TGIF1: variants seen among roughly 807,000 people sequenced by gnomAD.
The protein encoded by TGIF1 is TGFB induced factor homeobox 1.
In TGIF1, 4 loss-of-function variants were observed where a neutral mutation model predicts 19.3. The observed-to-expected ratio is 0.21, with a 90% confidence interval of 0.10 to 0.47. TGIF1 has a LOEUF of 0.47. Ranked by LOEUF, TGIF1 falls within the 20% of genes least tolerant of loss-of-function variation. TGIF1 has a pLI of 0.98. For missense variants in TGIF1, 275 were observed against 341.4 expected (o/e 0.81, Z 1.53); for synonymous variants, 122 against 129.3 (o/e 0.94, Z 0.38).
At chr18:3,414,484 C>A (rs1598848212) in intron 1 of TGIF1, among the ~76,000 whole-genome samples, 2 of 152,348 alleles carry the variant, frequency 1.3e-5, no homozygotes, top group East Asian at 3.9e-4. Flanking sequence ...GAGTTCATCT[C>A]TAAGTCTAGC....
chr18:3,427,623 G>C lies in TGIF1; in HGVS notation c.-45+9408G>C, dbSNP rs996721817. Among the ~76,000 whole-genome samples the C allele has an allele frequency of 1.4e-4, 21 of 146,536 alleles. No individual in the cohort carries two copies. In the South Asian group the frequency reaches 1.9e-3, roughly 14 times the overall value. ...TATTCTTTTTTTTTTTTTTTGAGAC[G>C]GGGTTTCCCTCTGTCACCCAGGCTG... On this transcript the variant is annotated intron_variant, in intron 2 of 3. Coordinates refer to the TGIF1 transcript ENST00000401449.
At position 3,450,387 on chromosome 18, in the gene TGIF1, C is replaced by A; in HGVS notation, c.-103C>A. 6.5e-7 allele frequency: 1 copy of A among 1,543,332 alleles called. No homozygotes were observed. The highest frequency in any genetic ancestry group is 8.7e-7 in the Non-Finnish European group (1 of 1,142,864). On this transcript the variant is annotated 5_prime_UTR_variant, in exon 1 of 3. Coordinates refer to ENST00000343820, the MANE Select transcript of TGIF1 (RefSeq NM_003244.4). ...CGGCTGGAGCACGTCCTACAAGTTA[C>A]GGGAGAGTCGGCTGTGAAGGAGACG...
intron 2 of TGIF1, among the ~76,000 whole-genome samples, chr18:3,439,434 C>G (rs1254393621): frequency 6.7e-6 from 1 of 148,344 alleles, no homozygotes; most frequent in East Asian, 2.0e-4. Flanking sequence ...GCAACCTCCT[C>G]CCAGGTTCAA....
At chr18:3,454,631 A>G (rs1320653496) in intron 1 of TGIF1, among the ~76,000 whole-genome samples, 1 of 152,242 alleles carries the variant, frequency 6.6e-6, no homozygotes, top group African/African-American at 2.4e-5. Flanking sequence ...CATCTTGCCA[A>G]TAGTGAAAGT....
intron 2 of TGIF1, among the ~76,000 whole-genome samples, chr18:3,442,598 A>G (rs766339792): frequency 2.0e-5 from 3 of 152,186 alleles, no homozygotes; most frequent in Non-Finnish European, 4.4e-5. Flanking sequence ...GGCAAAAGTT[A>G]TGAACAGGAT....
rs568572687 is a variant in TGIF1, at chr18:3,450,265, G to A, written c.-225G>A. On this transcript the variant is annotated 5_prime_UTR_variant, in exon 1 of 3. Coordinates refer to ENST00000343820, the MANE Select transcript of TGIF1 (RefSeq NM_003244.4). Reference sequence around the variant, plus strand: ...GTTGGGCGAGGGAGAGCCCCCGGCCGGCTGCCAGAAGATCCCGGCGGGAGG... The same window carrying A: ...GTTGGGCGAGGGAGAGCCCCCGGCCAGCTGCCAGAAGATCCCGGCGGGAGG... 18 of 1,431,950 alleles carry A rather than the reference G, an allele frequency of 1.3e-5. No homozygotes were observed. Among genetic ancestry groups the A allele is most frequent in the Admixed American group, 2.9e-5 (1 of 34,888 alleles). The allele number at this position is 1,431,950 out of a possible 1,614,324, so 88.7% of individuals were successfully genotyped here.
At chr18:3,453,735 T>G in intron 1 of TGIF1, 3 of 867,838 alleles carry the variant, frequency 3.5e-6, no homozygotes, top group Non-Finnish European at 4.1e-6. Flanking sequence ...GGTCGCTGCT[T>G]AGGGCGGTGG....
chr18:3,458,144 CT>C lies in TGIF1; in HGVS notation c.*210del. On this transcript the variant is annotated 3_prime_UTR_variant, in exon 3 of 3. Coordinates refer to ENST00000343820, the MANE Select transcript of TGIF1 (RefSeq NM_003244.4). ...AGCTACTGTAGAAACAAAGGGTTTT[CT>C]TTTTTAAATGTTTCTTGGTAGATTA... 1 of 557,296 alleles carries C rather than the reference CT, an allele frequency of 1.8e-6. No individual in the cohort carries two copies. Among genetic ancestry groups the C allele is most frequent in the South Asian group, 2.4e-5 (1 of 41,240 alleles). 34.5% of individuals were successfully genotyped at this position (557,296 alleles called of 1,614,324 possible). A position where few individuals can be genotyped will look rare whatever the true frequency, so the allele number is the denominator to read the frequency against.
upstream of TGIF1, chr18:3,449,429 A>T: frequency 1.0e-6 from 1 of 985,358 alleles, no homozygotes; most frequent in Non-Finnish European, 1.2e-6. Flanking sequence ...TGAGCGTGAC[A>T]AGTGTCTGTC....
chr18:3,450,356 C>T lies in TGIF1; in HGVS notation c.-134C>T. The T allele has an allele frequency of 1.3e-6, 2 of 1,511,954 alleles. No individual in the cohort carries two copies. The highest frequency in any genetic ancestry group is 1.3e-5 in the South Asian group (1 of 78,704). The allele number at this position is 1,511,954 out of a possible 1,614,324, so 93.7% of individuals were successfully genotyped here. A position where few individuals can be genotyped will look rare whatever the true frequency, so the allele number is the denominator to read the frequency against. On this transcript the variant is annotated 5_prime_UTR_variant, in exon 1 of 3. Transcript: ENST00000343820. ...CCTGGGATCAGAGCGTCCTGTTTAG[C>T]AATAACGGCTGGAGCACGTCCTACA...
rs2082919118 is a variant in TGIF1, at chr18:3,451,349, G to A, written c.16+844G>A. On this transcript the variant is annotated intron_variant, in intron 1 of 2. Coordinates refer to ENST00000343820, the MANE Select transcript of TGIF1 (RefSeq NM_003244.4). This position sits in a 1 kb window ranked among gnomAD's most constrained non-coding sequence, Gnocchi z 5.4. ...TTTAAAAACAAAATACACCGGAGGG[G>A]GACGGGGGGTGGAGAAACCACACAA... 4.1e-6 allele frequency: 4 copies of A among 985,072 alleles called. No individual in the cohort carries two copies. The highest frequency in any genetic ancestry group is 4.8e-6 in the Non-Finnish European group (4 of 829,848). 61.0% of individuals were successfully genotyped at this position (985,072 alleles called of 1,614,324 possible).
At chr18:3,442,491 C>CT (rs1373272986) in intron 2 of TGIF1, among the ~76,000 whole-genome samples, 2 of 151,736 alleles carry the variant, frequency 1.3e-5, no homozygotes, top group East Asian at 3.8e-4. Context: ...GTCAGATGAG[C>CT]TTTTAAGCTA....
chr18:3,416,937 A>G (rs919531456), intron 1 of TGIF1, among the ~76,000 whole-genome samples: 1 of 152,116 alleles, frequency 6.6e-6, no homozygotes, highest in Non-Finnish European at 1.5e-5. Flanking sequence ...TATCAAAACA[A>G]CAACAACAAC....
At chr18:3,417,437 G>A (rs976216877) in intron 1 of TGIF1, among the ~76,000 whole-genome samples, 5 of 152,090 alleles carry the variant, frequency 3.3e-5, no homozygotes, top group African/African-American at 1.2e-4. Context: ...TGGGATTACA[G>A]GCATGAGCCA....
At chr18:3,420,974 A>G (rs1465661301) in intron 2 of TGIF1, among the ~76,000 whole-genome samples, 1 of 152,200 alleles carries the variant, frequency 6.6e-6, no homozygotes, top group Non-Finnish European at 1.5e-5. Flanking sequence ...GTGAGGAGAA[A>G]TTATATACAG....
chr18:3,423,143 G>C (rs1165284739), intron 2 of TGIF1, among the ~76,000 whole-genome samples: 3 of 152,200 alleles, frequency 2.0e-5, no homozygotes, highest in African/African-American at 7.2e-5. Context: ...CCTAATGCAT[G>C]TAGTCGGCTC....
intron 1 of TGIF1, among the ~76,000 whole-genome samples, chr18:3,453,395 G>C (rs1284852474): frequency 6.6e-6 from 1 of 152,054 alleles, no homozygotes; most frequent in East Asian, 1.9e-4. Flanking sequence ...ATTCAGAAAA[G>C]AAAGTGCAGG....
intron 2 of TGIF1, among the ~76,000 whole-genome samples, chr18:3,430,663 C>A (rs370733338): frequency 0.013 from 2,025 of 151,298 alleles, 50 homozygotes; most frequent in African/African-American, 0.046. Context: ...TGCCACCACA[C>A]CCGGCTAATT....
intron 1 of TGIF1, chr18:3,452,279 C>A (rs2143344244): frequency 6.2e-7 from 1 of 1,610,698 alleles, no homozygotes; most frequent in Non-Finnish European, 8.5e-7. Context: ...AGCTGGGGAC[C>A]AAGGCTGGGC....
Sources: allele counts gnomAD v4.1 joint callset (sites outside exome capture counted in the v4.1 genomes callset), GRCh38; gene constraint gnomAD v4.1.1; non-coding constraint Gnocchi (gnomAD v3.1); transcripts MANE v1.5; gene names NCBI Gene and HGNC (gene_info 2026-07-23, HGNC 2026-07-21).